The following NUDCD3 variants were observed in gnomAD, a reference collection of about 807,000 sequenced individuals.
NUDCD3 encodes nudC domain-containing protein 3.
A neutral mutation model predicts 39.7 loss-of-function variants in NUDCD3; 13 were observed. The observed-to-expected ratio is 0.33, with a 90% confidence interval of 0.21 to 0.52. NUDCD3 has a LOEUF of 0.52. Ranked by LOEUF, NUDCD3 falls within the 20% of genes least tolerant of loss-of-function variation. The pLI is 0.96. For synonymous variants in NUDCD3, 175 were observed against 172.4 expected, an observed-to-expected ratio of 1.02 and a Z score of -0.12; for missense variants, 453 against 458.1, an observed-to-expected ratio of 0.99 and a Z score of 0.10.
At chr7:44,387,889 C>T (rs1175057577) in intron 5 of NUDCD3, among the ~76,000 whole-genome samples, 2 of 152,174 alleles carry the variant, frequency 1.3e-5, no homozygotes, top group Non-Finnish European at 2.9e-5. Context: ...GTCACAATTA[C>T]TGTTAGGGTG....
rs562458161 is a variant in NUDCD3, at chr7:44,414,247, A to C, written c.643-9664T>G. Among the ~76,000 whole-genome samples the C allele has an allele frequency of 2.0e-5, 3 of 152,300 alleles. No homozygotes were observed. In the East Asian group the frequency reaches 5.8e-4, roughly 29 times the overall value. ...GTTTAATAATCAGCCTATAGTTTGAAGGGGGCAAAAGCAAAGAACAGGAGT... is the reference window on the plus strand; with the variant it reads ...GTTTAATAATCAGCCTATAGTTTGACGGGGGCAAAAGCAAAGAACAGGAGT... On this transcript the variant is annotated intron_variant, in intron 3 of 5. Transcript: ENST00000355451.
At chr7:44,406,210 C>T (rs1429269363) in intron 3 of NUDCD3, among the ~76,000 whole-genome samples, 1 of 152,202 alleles carries the variant, frequency 6.6e-6, no homozygotes, top group Non-Finnish European at 1.5e-5. Context: ...TAACCACAGG[C>T]GGCTCTGCCA....
At chr7:44,432,048 CAA>C (rs1799374429) in intron 2 of NUDCD3, among the ~76,000 whole-genome samples, 1 of 152,064 alleles carries the variant, frequency 6.6e-6, no homozygotes, top group Non-Finnish European at 1.5e-5. Flanking sequence ...TTTGGGAGGC[CAA>C]AACAGGAGGA....
At chr7:44,402,728 G>A (rs1283014599) in intron 4 of NUDCD3, 3 of 456,500 alleles carry the variant, frequency 6.6e-6, no homozygotes, top group Middle Eastern at 3.3e-4. Context: ...CGGAAGGCAG[G>A]AGAGTCAAGG....
At chr7:44,435,429 G>GAAAT (rs1223507141) in intron 2 of NUDCD3, among the ~76,000 whole-genome samples, 1 of 152,094 alleles carries the variant, frequency 6.6e-6, no homozygotes. Flanking sequence ...GGGACAATCA[G>GAAAT]AAATAAATAA....
At chr7:44,409,284 C>T (rs1798880116) in intron 3 of NUDCD3, among the ~76,000 whole-genome samples, 1 of 152,164 alleles carries the variant, frequency 6.6e-6, no homozygotes, top group Non-Finnish European at 1.5e-5. Flanking sequence ...TGAAGGTATG[C>T]TCCAACAGGT....
intron 3 of NUDCD3, among the ~76,000 whole-genome samples, chr7:44,418,627 G>A (rs1426913923): frequency 6.6e-6 from 1 of 152,228 alleles, no homozygotes; most frequent in Non-Finnish European, 1.5e-5. Flanking sequence ...GATATGGGGG[G>A]ATCTGGCAAG....
intron 2 of NUDCD3, among the ~76,000 whole-genome samples, chr7:44,482,005 C>A (rs1403607143): frequency 6.6e-6 from 1 of 152,140 alleles, no homozygotes; most frequent in East Asian, 1.9e-4. Context: ...GAACTGTGAG[C>A]AATAAATTTA....
At chr7:44,432,235 T>C (rs1799378447) in intron 2 of NUDCD3, among the ~76,000 whole-genome samples, 1 of 152,182 alleles carries the variant, frequency 6.6e-6, no homozygotes, top group African/African-American at 2.4e-5. Flanking sequence ...TGAACTATGA[T>C]TGTACCACTG....
chr7:44,400,164 G>A lies in NUDCD3; in HGVS notation c.786+4276C>T, dbSNP rs1331393974. 2.6e-5 allele frequency among the ~76,000 whole-genome samples: 4 copies of A among 152,294 alleles called. No individual in the cohort carries two copies. In the South Asian group the frequency reaches 8.3e-4, roughly 32 times the overall value. ...AGCTTTGGGGACTGAACGAGCTATC[G>A]GAAAAAAGAGCTGGTGCCGTTGCCA... On this transcript the variant is annotated intron_variant, in intron 4 of 5. Transcript: ENST00000355451.
At chr7:44,461,028 G>A (rs868398712) in intron 2 of NUDCD3, among the ~76,000 whole-genome samples, 2 of 152,262 alleles carry the variant, frequency 1.3e-5, no homozygotes, top group Middle Eastern at 3.4e-3. Context: ...CTAAAAACCC[G>A]ACGGGTTCAA....
chr7:44,438,849 C>T (rs1007577430), intron 2 of NUDCD3, among the ~76,000 whole-genome samples: 3 of 152,196 alleles, frequency 2.0e-5, no homozygotes, highest in South Asian at 2.1e-4. Flanking sequence ...CAGGTACGTG[C>T]ATACCTGGAA....
At chr7:44,403,405 C>T (rs1044842333) in intron 4 of NUDCD3, among the ~76,000 whole-genome samples, 1 of 152,244 alleles carries the variant, frequency 6.6e-6, no homozygotes, top group African/African-American at 2.4e-5. Context: ...CACCAAGGAG[C>T]ATGTTGTCTG....
rs1019546360 is a variant in NUDCD3, at chr7:44,382,517, G to C, written c.*3494C>G. The C allele has an allele frequency of 2.0e-5, 3 of 152,394 alleles. No individual in the cohort carries two copies. The highest frequency in any genetic ancestry group is 1.3e-4 in the Admixed American group (2 of 15,306). The allele number at this position is 152,394 out of a possible 1,614,324, so 9.4% of individuals were successfully genotyped here. A position where few individuals can be genotyped will look rare whatever the true frequency, so the allele number is the denominator to read the frequency against. ...TCCCTATGGGGCACCCTGGCGTCCA[G>C]TGGGCACTCCCCAGGGCAGCAGCCT... On this transcript the variant is annotated 3_prime_UTR_variant, in exon 6 of 6. Coordinates refer to ENST00000355451, the MANE Select transcript of NUDCD3 (RefSeq NM_015332.4).
intron 2 of NUDCD3, among the ~76,000 whole-genome samples, chr7:44,466,156 A>C (rs573905340): frequency 6.6e-6 from 1 of 152,308 alleles, no homozygotes; most frequent in African/African-American, 2.4e-5. Flanking sequence ...AGGGACAGCC[A>C]CCCAGGGCCA....
At chr7:44,453,624 A>AG (rs1799836608) in intron 2 of NUDCD3, among the ~76,000 whole-genome samples, 1 of 152,240 alleles carries the variant, frequency 6.6e-6, no homozygotes, top group Non-Finnish European at 1.5e-5. Context: ...ACTTCTACTC[A>AG]GCAATCACAG....
chr7:44,466,694 T>C (rs1018532874), intron 2 of NUDCD3, among the ~76,000 whole-genome samples: 1 of 152,222 alleles, frequency 6.6e-6, no homozygotes, highest in Non-Finnish European at 1.5e-5. Context: ...CTAGGGACAC[T>C]TGGATAATGC....
chr7:44,447,072 C>T (rs767858240), intron 2 of NUDCD3, among the ~76,000 whole-genome samples: 2 of 152,206 alleles, frequency 1.3e-5, no homozygotes, highest in Non-Finnish European at 2.9e-5. Flanking sequence ...CTTAGAAGAG[C>T]CTTAACCAAG....
intron 2 of NUDCD3, among the ~76,000 whole-genome samples, chr7:44,453,083 T>C (rs906444026): frequency 3.3e-5 from 5 of 152,192 alleles, no homozygotes; most frequent in African/African-American, 7.2e-5. Flanking sequence ...CCGGGTGCGG[T>C]GGCTCACGCC....
Sources: gnomAD v4.1 joint callset for allele counts (sites outside exome capture counted in the v4.1 genomes callset) on GRCh38, gnomAD v4.1.1 for gene constraint, MANE v1.5 for transcripts, NCBI Gene and HGNC (gene_info 2026-07-23, HGNC 2026-07-21) for gene names.